IRAK4: variants seen among roughly 807,000 people sequenced by gnomAD.
IRAK4 encodes interleukin 1 receptor associated kinase 4, also known as interleukin-1 receptor-associated kinase 4.
In IRAK4, 44 loss-of-function variants were observed where a neutral mutation model predicts 51.8. That is an observed-to-expected ratio of 0.85 (90% CI 0.67 to 1.09). IRAK4 has a LOEUF of 1.09. Among genes scored for constraint, IRAK4 ranks in the 50% least tolerant of loss-of-function variants. IRAK4 has a pLI of 0.00. For synonymous variants in IRAK4, 149 were observed against 174.1 expected (o/e 0.86, Z 1.13); for missense variants, 487 against 538.0 (o/e 0.91, Z 0.94).
chr12:43,760,326 G>A lies in IRAK4; in HGVS notation c.-10+1310G>A, dbSNP rs563093413. Among the ~76,000 whole-genome samples, 298 of 152,270 alleles carry A rather than the reference G, an allele frequency of 2.0e-3. 1 individual carries two copies. The highest frequency in any genetic ancestry group is 3.0e-3 in the Non-Finnish European group (205 of 68,022). On this transcript the variant is annotated intron_variant, in intron 1 of 11. Coordinates refer to ENST00000613694, the MANE Select transcript of IRAK4 (RefSeq NM_016123.4). ...GCAGCACGTCCCACCTGGCTTATTG[G>A]TAGGCTCTCCTAAATGCTTCTTTCT...
rs555571690 is a variant in IRAK4 at position 43,772,828 on chromosome 12, A to G, written c.491-84A>G. 1.1e-5 allele frequency: 10 copies of G among 939,220 alleles called. No individual in the cohort carries two copies. In the East Asian group the frequency reaches 2.4e-4, roughly 23 times the overall value. 58.2% of individuals were successfully genotyped at this position (939,220 alleles called of 1,614,324 possible). A position where few individuals can be genotyped will look rare whatever the true frequency, so the allele number is the denominator to read the frequency against. ...TTCAAAATCATAAATATTTGCATATATGTGAAATCTTCAAATGAGAAAATA... is the reference window on the plus strand; with the variant it reads ...TTCAAAATCATAAATATTTGCATATGTGTGAAATCTTCAAATGAGAAAATA... On this transcript the variant is annotated intron_variant, in intron 4 of 11. Coordinates refer to ENST00000613694, the MANE Select transcript of IRAK4 (RefSeq NM_016123.4).
At chr12:43,781,530 A>G (rs866357384) in intron 8 of IRAK4, among the ~76,000 whole-genome samples, 5 of 152,152 alleles carry the variant, frequency 3.3e-5, no homozygotes, top group South Asian at 2.1e-4. Flanking sequence ...TTTCCCTCAT[A>G]TAACTATTAA....
chr12:43,777,717 T>C lies in IRAK4; in HGVS notation c.804T>C (p.Gly268=). ...LCLVYVYMPN[G]SLLDRLSCLD... ...TAGTATATGTTTACATGCCTAATGG[T>C]TCATTGCTAGACAGACTCTCTTGCT... Residue 268 remains glycine, a synonymous_variant, in exon 7 of 12, where the codon GGT becomes GGC. Coordinates refer to ENST00000613694, the MANE Select transcript of IRAK4 (RefSeq NM_016123.4). 6.2e-7 allele frequency: 1 copy of C among 1,613,174 alleles called. No individual in the cohort carries two copies. Among genetic ancestry groups the C allele is most frequent in the South Asian group, 1.1e-5 (1 of 91,052 alleles).
intron 10 of IRAK4, among the ~76,000 whole-genome samples, chr12:43,784,959 T>G (rs1359420182): frequency 6.6e-6 from 1 of 152,180 alleles, no homozygotes; most frequent in African/African-American, 2.4e-5. Context: ...TTCATCTGTA[T>G]TAGCTTCCTA....
At chr12:43,760,349 T>A (rs1302809710) in intron 1 of IRAK4, among the ~76,000 whole-genome samples, 2 of 152,220 alleles carry the variant, frequency 1.3e-5, no homozygotes, top group Non-Finnish European at 1.5e-5. Context: ...AATGCTTCTT[T>A]CTTGCTTCTC....
At chr12:43,767,347 T>C (rs1355379612) in intron 1 of IRAK4, among the ~76,000 whole-genome samples, 1 of 152,186 alleles carries the variant, frequency 6.6e-6, no homozygotes, top group Non-Finnish European at 1.5e-5. Flanking sequence ...TACCATAAAT[T>C]TGTATTCACA....
chr12:43,786,770 T>C lies in IRAK4; in HGVS notation c.*55T>C. On this transcript the variant is annotated 3_prime_UTR_variant, in exon 12 of 12. Coordinates refer to ENST00000613694, the MANE Select transcript of IRAK4 (RefSeq NM_016123.4). ...TATATACACCTATCTCAACCATTTTTTTAACTGATTTTTTTCCTAAATATT... is the reference window on the plus strand; with the variant it reads ...TATATACACCTATCTCAACCATTTTCTTAACTGATTTTTTTCCTAAATATT... The C allele has an allele frequency of 7.0e-7, 1 of 1,426,250 alleles. No individual in the cohort carries two copies. The highest frequency in any genetic ancestry group is 9.9e-7 in the Non-Finnish European group (1 of 1,014,324). 88.3% of individuals were successfully genotyped at this position (1,426,250 alleles called of 1,614,324 possible).
intron 2 of IRAK4, 149 bp downstream of exon 2, chr12:43,768,421 G>T (rs1940400679): frequency 3.2e-6 from 2 of 617,202 alleles, no homozygotes; most frequent in Admixed American, 3.0e-5. Flanking sequence ...CTTTTTGATT[G>T]TTCCTTTTGC....
chr12:43,759,848 A>G (rs1939272107), intron 1 of IRAK4, among the ~76,000 whole-genome samples: 1 of 150,646 alleles, frequency 6.6e-6, no homozygotes, highest in Non-Finnish European at 1.5e-5. Context: ...AGCCTGGGCA[A>G]CAGAGGGAGA....
chr12:43,787,424 G>T lies in IRAK4; in HGVS notation c.*709G>T, dbSNP rs1012064927. ...CAACTCACTTTGAGACTGTTGAAAG[G>T]GCCTGACCTAATCAAGTGAACCCTT... On this transcript the variant is annotated 3_prime_UTR_variant, in exon 12 of 12. Transcript: ENST00000613694. 1 of 152,192 alleles carries T rather than the reference G, an allele frequency of 6.6e-6. No homozygotes were observed. Among genetic ancestry groups the T allele is most frequent in the Admixed American group, 6.5e-5 (1 of 15,282 alleles). 9.4% of individuals were successfully genotyped at this position (152,192 alleles called of 1,614,324 possible).
At chr12:43,775,873 A>ATTTTTTT (rs1941212405) in intron 6 of IRAK4, among the ~76,000 whole-genome samples, 6 of 119,510 alleles carry the variant, frequency 5.0e-5, no homozygotes, top group Non-Finnish European at 8.6e-5. Context: ...TAATATCATT[A>ATTTTTTT]CTTTTTTTTT....
intron 1 of IRAK4, among the ~76,000 whole-genome samples, chr12:43,759,754 G>T (rs1246823429): frequency 6.6e-6 from 1 of 151,584 alleles, no homozygotes; most frequent in Non-Finnish European, 1.5e-5. Flanking sequence ...CGTAATGCCA[G>T]CTACTCCGGG....
chr12:43,766,381 G>A (rs898152399), intron 1 of IRAK4, among the ~76,000 whole-genome samples: 1 of 151,962 alleles, frequency 6.6e-6, no homozygotes, highest in Admixed American at 6.6e-5. Context: ...AACCAAATCT[G>A]TCTTGATATC....
intron 1 of IRAK4, 129 bp downstream of exon 1, chr12:43,759,145 A>C (rs1344482923): frequency 1.3e-5 from 2 of 152,164 alleles, no homozygotes; most frequent in Non-Finnish European, 2.9e-5. Context: ...TCCGTGAGAA[A>C]AGTTAGAGAG....
intron 4 of IRAK4, 51 bp downstream of exon 4, chr12:43,772,413 C>G (rs1940863901): frequency 6.7e-7 from 1 of 1,495,946 alleles, no homozygotes; most frequent in Non-Finnish European, 9.2e-7. Context: ...TTAAGACTAC[C>G]AGTGCTTTAA....
intron 5 of IRAK4, 36 bp downstream of exon 5, chr12:43,773,108 G>T: frequency 1.3e-6 from 2 of 1,575,146 alleles, no homozygotes; most frequent in Non-Finnish European, 8.7e-7. Context: ...AGAAAGAGTT[G>T]CTTCATAGTG....
chr12:43,772,362 C>CTTCTAAAAGTTAGAA lies in IRAK4; in HGVS notation c.490_490+1insTTCTAAAAGTTAGAA (p.Arg164delinsLeuLeuLysValArgSer). On this transcript the variant is annotated protein_altering_variant and splice_region_variant. Coordinates refer to ENST00000613694, the MANE Select transcript of IRAK4 (RefSeq NM_016123.4). ...TAAAAGTTTAGAAGTTAGTGATACA[C>CTTCTAAAAGTTAGAA]GTAAGTAACATTTTCAGTGCTTTCC... The CTTCTAAAAGTTAGAA allele has an allele frequency of 6.2e-7, 1 of 1,609,986 alleles. No homozygotes were observed. Among genetic ancestry groups the CTTCTAAAAGTTAGAA allele is most frequent in the African/African-American group, 1.3e-5 (1 of 75,010 alleles).
rs4251521 is a variant in IRAK4, at chr12:43,781,574, T to A, written c.942-733T>A. Among the ~76,000 whole-genome samples, 1,455 of 152,362 alleles carry A rather than the reference T, an allele frequency of 9.5e-3. 32 individuals are homozygous for A. The highest frequency in any genetic ancestry group is 0.033 in the African/African-American group (1,364 of 41,582). ...AATCCTTCAATACTAAGCACACTTTTCACCCTCTGTTTGAAATTTTTCCTA... is the reference window on the plus strand; with the variant it reads ...AATCCTTCAATACTAAGCACACTTTACACCCTCTGTTTGAAATTTTTCCTA... On this transcript the variant is annotated intron_variant, in intron 8 of 11. Coordinates refer to ENST00000613694, the MANE Select transcript of IRAK4 (RefSeq NM_016123.4).
intron 1 of IRAK4, among the ~76,000 whole-genome samples, chr12:43,765,322 T>C (rs1326717753): frequency 6.6e-6 from 1 of 152,258 alleles, no homozygotes; most frequent in Admixed American, 6.5e-5. Context: ...CGAAAATCGA[T>C]GTGGATGGTC....
Sources: gnomAD v4.1 joint callset for allele counts (sites outside exome capture counted in the v4.1 genomes callset) on GRCh38, gnomAD v4.1.1 for gene constraint, MANE v1.5 for transcripts, NCBI Gene and HGNC (gene_info 2026-07-23, HGNC 2026-07-21) for gene names.